The following BLACAT1 variants were observed in gnomAD, a reference collection of about 807,000 sequenced individuals.
BLACAT1 encodes BLACAT1 overlapping LEMD1 locus, also known as bladder cancer associated transcript 1.
intron 1 of BLACAT1, among the ~76,000 whole-genome samples, chr1:205,443,202 GGGAA>G (rs1162897251): frequency 4.6e-5 from 7 of 152,122 alleles, no homozygotes; most frequent in Admixed American, 4.6e-4. Flanking sequence ...AGGCTAATCT[GGGAA>G]GGAACTCCCA....
chr1:205,455,242 G>A (rs1666548928), intron 1 of BLACAT1, among the ~76,000 whole-genome samples: 1 of 152,170 alleles, frequency 6.6e-6, no homozygotes, highest in Non-Finnish European at 1.5e-5. Flanking sequence ...GCAGGCTTAT[G>A]GCCAAGAGGT....
intron 1 of BLACAT1, among the ~76,000 whole-genome samples, chr1:205,446,833 T>G (rs969194602): frequency 6.6e-6 from 1 of 152,094 alleles, no homozygotes; most frequent in African/African-American, 2.4e-5. Flanking sequence ...CCTTTCACCA[T>G]CTAAGCTGGG....
In BLACAT1 at chr1:205,445,585, G is replaced by T. The variant is rs1364648018; in HGVS notation, c.-36-4523C>A. The stretch of plus-strand genomic sequence containing the variant: ...TCTTGCTTGCCCACCTATGGAGAAA[G>T]CTCCCTCCACTTTTCCAGACTGCAA... On this transcript the variant is annotated intron_variant, in intron 1 of 1. Coordinates refer to ENST00000629624, the Ensembl canonical transcript of BLACAT1. Among the ~76,000 whole-genome samples the T allele has an allele frequency of 4.6e-5, 4 of 86,740 alleles. No homozygotes were observed. The East Asian group carries it at 2.8e-3, about 62-fold the overall frequency. The allele number at this position is 86,740 out of a possible 152,430, so 56.9% of individuals were successfully genotyped here.
chr1:205,448,930 G>A lies in BLACAT1; in HGVS notation c.-37+6987C>T. On this transcript the variant is annotated intron_variant, in intron 1 of 1. Transcript: ENST00000629624. This position sits in a 1 kb window ranked among gnomAD's most constrained non-coding sequence, Gnocchi z 4.7. ...TTTAGAGGGGTTAAATAGGTTTCTTGAGTGCCCCCAGGGGTGGGGGCTGGG... is the reference window on the plus strand; with the variant it reads ...TTTAGAGGGGTTAAATAGGTTTCTTAAGTGCCCCCAGGGGTGGGGGCTGGG... Among the ~76,000 whole-genome samples, 1 of 152,160 alleles carries A rather than the reference G, an allele frequency of 6.6e-6. No homozygotes were observed. Among genetic ancestry groups the A allele is most frequent in the East Asian group, 1.9e-4 (1 of 5,176 alleles).
intron 1 of BLACAT1, among the ~76,000 whole-genome samples, chr1:205,447,386 T>C (rs372742060): frequency 6.6e-6 from 1 of 152,192 alleles, no homozygotes. Context: ...TGAGATATTA[T>C]AAGAAACTTG....
downstream of BLACAT1, among the ~76,000 whole-genome samples, chr1:205,438,701 G>A (rs1181484531): frequency 1.3e-5 from 2 of 152,132 alleles, no homozygotes; most frequent in Admixed American, 6.5e-5. Flanking sequence ...AGGGGCTGCC[G>A]GCTTGGAGGC....
At chr1:205,442,295 C>T (rs546304378) in intron 1 of BLACAT1, among the ~76,000 whole-genome samples, 26 of 152,234 alleles carry the variant, frequency 1.7e-4, no homozygotes, top group African/African-American at 5.1e-4. Flanking sequence ...AAGCATGAGG[C>T]GCCTCCCTTC....
At chr1:205,435,091 A>T (rs6680719), downstream of BLACAT1, 144,022 of 152,266 alleles carry the variant, frequency 0.95, 68,647 homozygotes, top group East Asian at 1. Context: ...TCAGCCGAGG[A>T]AGAACCTCAG....
In BLACAT1 at chr1:205,441,961, G is replaced by A. The variant is rs2102466127; in HGVS notation, c.-36-899C>T. Among the ~76,000 whole-genome samples, 1 of 152,302 alleles carries A rather than the reference G, an allele frequency of 6.6e-6. No individual in the cohort carries two copies. Among genetic ancestry groups the A allele is most frequent in the Admixed American group, 6.5e-5 (1 of 15,304 alleles). On this transcript the variant is annotated intron_variant, in intron 1 of 1. Coordinates refer to ENST00000629624, the Ensembl canonical transcript of BLACAT1. This position sits in a 1 kb window ranked among gnomAD's most constrained non-coding sequence, Gnocchi z 4.3. ...GAAGAGAGGGAGCTTCAGGAGCTCA[G>A]CTTCAGTCTGCAAGAGTATCCCTTT...
rs116564322 is a variant in BLACAT1 at position 205,452,380 on chromosome 1, C to T, written c.-37+3537G>A. Among the ~76,000 whole-genome samples the T allele has an allele frequency of 6.0e-3, 910 of 152,238 alleles. 11 individuals are homozygous for T. The highest frequency in any genetic ancestry group is 0.021 in the African/African-American group (856 of 41,530). ...CCAGAAAAGTGAACCATTACCCCTC[C>T]GCAGCAGAGAAAGTCACAGAGGGAA... On this transcript the variant is annotated intron_variant, in intron 1 of 1. Coordinates refer to ENST00000629624, the Ensembl canonical transcript of BLACAT1.
downstream of BLACAT1, chr1:205,435,798 A>G (rs1666195325): frequency 6.6e-6 from 1 of 152,170 alleles, no homozygotes; most frequent in Non-Finnish European, 1.5e-5. Context: ...AGAAAACATA[A>G]ACCTGGGTGC....
chr1:205,437,035 G>C (rs1666220990), downstream of BLACAT1: 1 of 152,680 alleles, frequency 6.5e-6, no homozygotes, highest in Non-Finnish European at 1.5e-5. Context: ...GGGGGGCTGT[G>C]GCTCTCCATC....
At chr1:205,436,822 A>G (rs1285120236), downstream of BLACAT1, 8 of 152,358 alleles carry the variant, frequency 5.3e-5, no homozygotes, top group African/African-American at 1.9e-4. Flanking sequence ...TCTCTGGTGA[A>G]AGCCCACCTT....
At position 205,454,547 on chromosome 1, in the gene BLACAT1, T is replaced by TGAGAGA. The variant is rs1294684839; in HGVS notation, c.-37+1369_-37+1370insTCTCTC. Reference sequence around the variant, plus strand: ...GTGTGAGTGTGTGTGTGTGTGTGTGTGTGAGAGAGAGAGAGAGAGATCCTC... The same window carrying TGAGAGA: ...GTGTGAGTGTGTGTGTGTGTGTGTGTGAGAGAGTGAGAGAGAGAGAGAGAGATCCTC... On this transcript the variant is annotated intron_variant, in intron 1 of 1. Transcript: ENST00000629624. Among the ~76,000 whole-genome samples, 3 of 150,970 alleles carry TGAGAGA rather than the reference T, an allele frequency of 2.0e-5. No homozygotes were observed. In the South Asian group the frequency reaches 6.3e-4, roughly 31 times the overall value.
In BLACAT1 at chr1:205,453,208, A is replaced by G. The variant is rs11803694; in HGVS notation, c.-37+2709T>C. 4.6e-3 allele frequency among the ~76,000 whole-genome samples: 699 copies of G among 152,318 alleles called. 2 individuals are homozygous for G. Among genetic ancestry groups the G allele is most frequent in the African/African-American group, 0.016 (660 of 41,562 alleles). The stretch of plus-strand genomic sequence containing the variant: ...GATCTGTGGGTGCAGTCCCTGGCCC[A>G]GAACCAACGCACGAGAAGGCTAGTT... On this transcript the variant is annotated intron_variant, in intron 1 of 1. Coordinates refer to ENST00000629624, the Ensembl canonical transcript of BLACAT1.
rs911507071 is a variant in BLACAT1 at position 205,450,312 on chromosome 1, G to A, written c.-37+5605C>T. Among the ~76,000 whole-genome samples, 10 of 151,740 alleles carry A rather than the reference G, an allele frequency of 6.6e-5. No individual in the cohort carries two copies. The highest frequency in any genetic ancestry group is 2.1e-4 in the South Asian group (1 of 4,786). On this transcript the variant is annotated intron_variant, in intron 1 of 1. Coordinates refer to ENST00000629624, the Ensembl canonical transcript of BLACAT1. The surrounding 1 kb of genome is among the most constrained non-coding windows in gnomAD (Gnocchi z 4.4). ...CCCCTGCCGGGCTATTGGTGCAGAG[G>A]GGCTGTTTGGTCCCTCCCTCCCTCC... is the stretch of plus-strand genomic sequence containing the variant.
Position 205,448,544 on chromosome 1 carries a change from C to T in BLACAT1, c.-37+7373G>A, listed in dbSNP as rs1431340674. 1 of 368,032 alleles carries T rather than the reference C, an allele frequency of 2.7e-6. No homozygotes were observed. Among genetic ancestry groups the T allele is most frequent in the African/African-American group, 2.1e-5 (1 of 46,710 alleles). 22.8% of individuals were successfully genotyped at this position (368,032 alleles called of 1,614,324 possible). Reference sequence around the variant, plus strand: ...GGGCCCCCCAGGTTAAATTCTCTCACCATCTTCCACCACCTGCACTAAAGC... The same window carrying T: ...GGGCCCCCCAGGTTAAATTCTCTCATCATCTTCCACCACCTGCACTAAAGC... On this transcript the variant is annotated intron_variant, in intron 1 of 1. Coordinates refer to ENST00000629624, the Ensembl canonical transcript of BLACAT1. The surrounding 1 kb of genome is among the most constrained non-coding windows in gnomAD (Gnocchi z 4.7).
At chr1:205,443,056 G>A (rs1666321604) in intron 1 of BLACAT1, among the ~76,000 whole-genome samples, 1 of 152,168 alleles carries the variant, frequency 6.6e-6, no homozygotes, top group South Asian at 2.1e-4. Context: ...AGGGAGGGAG[G>A]GCAGGTGGAT....
downstream of BLACAT1, chr1:205,436,751 A>C (rs72748915): frequency 0.13 from 19,583 of 152,160 alleles, 1,361 homozygotes; most frequent in African/African-American, 0.14. Flanking sequence ...CAGGAGGAAC[A>C]CCAGACTTCC....
Sources: gnomAD v4.1 joint callset for allele counts (sites outside exome capture counted in the v4.1 genomes callset) on GRCh38, gnomAD v4.1.1 for gene constraint, Gnocchi (gnomAD v3.1) non-coding constraint, MANE v1.5 for transcripts, NCBI Gene and HGNC (gene_info 2026-07-23, HGNC 2026-07-21) for gene names.